PCDHGB5: variants seen among roughly 807,000 people sequenced by gnomAD.
PCDHGB5 encodes the protein protocadherin gamma subfamily B, 5.
A neutral mutation model predicts 62.9 loss-of-function variants in PCDHGB5; 48 were observed. The observed-to-expected ratio is 0.76, with a 90% CI of 0.61 to 0.97. The LOEUF (loss-of-function observed/expected upper bound fraction) is 0.97. PCDHGB5 is among the 50% of genes least tolerant of loss of function. The pLI is 0.00. For missense variants in PCDHGB5, 1,118 were observed against 1,198.6 expected, an observed-to-expected ratio of 0.93 and a Z score of 0.99; for synonymous variants, 474 against 511.2, an observed-to-expected ratio of 0.93 and a Z score of 0.98.
At chr5:141,507,016 G>C (rs913170594) in intron 3 of PCDHGB5, 1 of 152,166 alleles carries the variant, frequency 6.6e-6, no homozygotes, top group African/African-American at 2.4e-5. Context: ...AACCGAGAAG[G>C]CACTTGCCCC....
Position 141,485,210 on chromosome 5 carries a change from C to G in PCDHGB5, c.2398-9597C>G. 2 of 1,614,058 alleles carry G rather than the reference C, an allele frequency of 1.2e-6. No individual in the cohort carries two copies. The highest frequency in any genetic ancestry group is 1.7e-6 in the Non-Finnish European group (2 of 1,179,934). On this transcript the variant is annotated intron_variant, in intron 1 of 3. Transcript: ENST00000617380. The surrounding 1 kb of genome is among the most constrained non-coding windows in gnomAD (Gnocchi z 5.7). ...GGTGAGAAGCTGGACAGAAATCTGG[C>G]GGTGGGCTACCCTTTTGTTCCTCTT...
chr5:141,414,638 A>C lies in PCDHGB5; in HGVS notation c.2397+14114A>C, dbSNP rs539861509. The C allele has an allele frequency of 7.8e-5, 126 of 1,613,988 alleles. 1 individual carries two copies. In the South Asian group the frequency reaches 1.3e-3, roughly 17 times the overall value. ...GCGCTGGACCCGGACAGCAAAGAGA[A>C]TGCCCAGATTATTTACTCCCTGGCT... On this transcript the variant is annotated intron_variant, in intron 1 of 3. Coordinates refer to ENST00000617380, the MANE Select transcript of PCDHGB5 (RefSeq NM_018925.3).
In PCDHGB5 at chr5:141,419,061, A is replaced by G. The variant is rs747692559; in HGVS notation, c.2397+18537A>G. 5.0e-6 allele frequency: 8 copies of G among 1,613,964 alleles called. No homozygotes were observed. In the Admixed American group the frequency reaches 1.3e-4, roughly 27 times the overall value. ...AAGATTCATTCTTCTTCTAATAATT[A>G]CTACAAGCTAGTAACAGATGAGGCC... On this transcript the variant is annotated intron_variant, in intron 1 of 3. Transcript: ENST00000617380.
intron 1 of PCDHGB5, chr5:141,413,387 T>A (rs902208287): frequency 1.2e-6 from 2 of 1,613,908 alleles, no homozygotes; most frequent in Non-Finnish European, 1.7e-6. Context: ...GTCCGCATAG[T>A]CTCCAGAGGT....
At position 141,413,154 on chromosome 5, in the gene PCDHGB5, A is replaced by C. The variant is rs1308503780; in HGVS notation, c.2397+12630A>C. 10 of 1,576,026 alleles carry C rather than the reference A, an allele frequency of 6.3e-6. No homozygotes were observed. In the South Asian group the frequency reaches 1.2e-4, roughly 18 times the overall value. ...ACAACGTGTCCAGTGAGGACTTTGC[A>C]GAATTCTGTAACCAGACTACAATGG... On this transcript the variant is annotated intron_variant, in intron 1 of 3. Coordinates refer to ENST00000617380, the MANE Select transcript of PCDHGB5 (RefSeq NM_018925.3).
At chr5:141,428,018 C>A in intron 1 of PCDHGB5, 12 of 1,604,570 alleles carry the variant, frequency 7.5e-6, no homozygotes, top group Middle Eastern at 1.7e-4. Context: ...TAGTGCCACG[C>A]GCCGCAGAGT....
At chr5:141,438,063 A>G (rs540817874) in intron 1 of PCDHGB5, among the ~76,000 whole-genome samples, 11 of 152,224 alleles carry the variant, frequency 7.2e-5, no homozygotes, top group Non-Finnish European at 1.5e-4. Context: ...CTTTTAAGAA[A>G]CCATACTTAA....
intron 1 of PCDHGB5, among the ~76,000 whole-genome samples, chr5:141,425,293 T>A (rs1332220576): frequency 1.3e-5 from 2 of 152,172 alleles, no homozygotes; most frequent in African/African-American, 4.8e-5. Context: ...TTATAAAACC[T>A]CATCTAAACT....
chr5:141,418,681 C>T (rs778899235), intron 1 of PCDHGB5: 2 of 1,614,052 alleles, frequency 1.2e-6, no homozygotes, highest in Non-Finnish European at 1.7e-6. Flanking sequence ...AGGGCATCAA[C>T]TCAGAGATCA....
At chr5:141,446,461 A>G (rs1273508266) in intron 1 of PCDHGB5, among the ~76,000 whole-genome samples, 1 of 151,298 alleles carries the variant, frequency 6.6e-6, no homozygotes, top group Non-Finnish European at 1.5e-5. Flanking sequence ...TCAGTGTGTG[A>G]TTAGACATAT....
intron 1 of PCDHGB5, among the ~76,000 whole-genome samples, chr5:141,465,905 G>A (rs938438286): frequency 6.6e-6 from 1 of 151,958 alleles, no homozygotes; most frequent in Admixed American, 6.6e-5. Flanking sequence ...GGCAAATCAC[G>A]AGGTCAGGAT....
intron 1 of PCDHGB5, among the ~76,000 whole-genome samples, chr5:141,400,911 CAAAG>C (rs1162228499): frequency 6.6e-6 from 1 of 152,176 alleles, no homozygotes; most frequent in Non-Finnish European, 1.5e-5. Flanking sequence ...TCTTTTAAAG[CAAAG>C]AAACTGCTAG....
intron 1 of PCDHGB5, chr5:141,478,451 G>A (rs377597887): frequency 2.5e-6 from 4 of 1,613,440 alleles, no homozygotes; most frequent in African/African-American, 2.7e-5. Context: ...ACCTGGTGCA[G>A]CCAGTCCACT....
chr5:141,424,860 A>C (rs2154550951), intron 1 of PCDHGB5, among the ~76,000 whole-genome samples: 1 of 152,340 alleles, frequency 6.6e-6, no homozygotes. Flanking sequence ...TGTCTAGGAA[A>C]GCCAAATGAG....
rs746408347 is a variant in PCDHGB5 at position 141,486,293 on chromosome 5, G to A, written c.2398-8514G>A. ...TGGCACTGTGGTGGCACTTATCAGT[G>A]TGCAGGATCCAGACTCAGGGTCAAA... On this transcript the variant is annotated intron_variant, in intron 1 of 3. Transcript: ENST00000617380. This position sits in a 1 kb window ranked among gnomAD's most constrained non-coding sequence, Gnocchi z 5.0. The A allele has an allele frequency of 3.1e-6, 5 of 1,614,018 alleles. No homozygotes were observed. In the Admixed American group the frequency reaches 8.3e-5, roughly 27 times the overall value.
chr5:141,422,131 G>T (rs747294750), intron 1 of PCDHGB5: 3 of 1,598,182 alleles, frequency 1.9e-6, no homozygotes, highest in Non-Finnish European at 2.6e-6. Context: ...AACTGGAGAA[G>T]TTCAAGTACG....
chr5:141,489,428 G>A lies in PCDHGB5; in HGVS notation c.2398-5379G>A, dbSNP rs561792279. The A allele has an allele frequency of 2.5e-5, 40 of 1,614,112 alleles. No homozygotes were observed. In the Middle Eastern group the frequency reaches 4.9e-4, roughly 20 times the overall value. ...AAGATGACAGATCTGTTGAGCCGGC[G>A]GCTGCAATTGGGCTCTGAGGAGAAT... On this transcript the variant is annotated intron_variant, in intron 1 of 3. Transcript: ENST00000617380. This position sits in a 1 kb window ranked among gnomAD's most constrained non-coding sequence, Gnocchi z 4.5.
At position 141,403,226 on chromosome 5, in the gene PCDHGB5, CG is replaced by C. The variant is rs539681713; in HGVS notation, c.2397+2705del. On this transcript the variant is annotated intron_variant, in intron 1 of 3. Transcript: ENST00000617380. Reference sequence around the variant, plus strand: ...CTTGGTCACCGCGGGTAGGATAGACCGGGAGGAGCTCTGTGCTCAGAGCCCG... The same window carrying C: ...CTTGGTCACCGCGGGTAGGATAGACCGGAGGAGCTCTGTGCTCAGAGCCCG... 1.5e-3 allele frequency: 2,492 copies of C among 1,613,926 alleles called. 3 individuals are homozygous for C. The highest frequency in any genetic ancestry group is 1.8e-3 in the Non-Finnish European group (2,143 of 1,179,902).
At position 141,489,749 on chromosome 5, in the gene PCDHGB5, AC is replaced by A; in HGVS notation, c.2398-5057del. ...GTGGGCACCAATACTGTGAGCTTTT[AC>A]ACTCTAAGCCCCAACAGCCACTTCT... is the stretch of plus-strand genomic sequence containing the variant. On this transcript the variant is annotated intron_variant, in intron 1 of 3. Transcript: ENST00000617380. The surrounding 1 kb of genome is among the most constrained non-coding windows in gnomAD (Gnocchi z 4.5). 6.2e-7 allele frequency: 1 copy of A among 1,614,126 alleles called. No individual in the cohort carries two copies. Among genetic ancestry groups the A allele is most frequent in the Non-Finnish European group, 8.5e-7 (1 of 1,180,002 alleles).
Sources: gnomAD v4.1 joint callset for allele counts (sites outside exome capture counted in the v4.1 genomes callset) on GRCh38, gnomAD v4.1.1 for gene constraint, Gnocchi (gnomAD v3.1) non-coding constraint, MANE v1.5 for transcripts, NCBI Gene and HGNC (gene_info 2026-07-23, HGNC 2026-07-21) for gene names.